Variants in DLG2 observed in about 807,000 individuals in gnomAD.
DLG2 encodes the protein disks large homolog 2.
In DLG2, 45 loss-of-function variants were observed where a neutral mutation model predicts 132.5. The observed-to-expected ratio is 0.34, with a 90% confidence interval of 0.27 to 0.44. The LOEUF is 0.44. Ranked by LOEUF, DLG2 falls within the 20% of genes least tolerant of loss-of-function variation. The pLI is 1.00. For missense variants in DLG2, 1,045 were observed against 1,196.9 expected, an observed-to-expected ratio of 0.87 and a Z score of 1.87; for synonymous variants, 424 against 419.6, an observed-to-expected ratio of 1.01 and a Z score of -0.13.
At chr11:83,558,470 A>G (rs1053286127) in intron 19 of DLG2, among the ~76,000 whole-genome samples, 1 of 152,146 alleles carries the variant, frequency 6.6e-6, no homozygotes, top group African/African-American at 2.4e-5. Flanking sequence ...GAAAGTGAGG[A>G]AGGAAACTAA....
At chr11:85,444,878 T>TGC (rs1345730776) in intron 3 of DLG2, among the ~76,000 whole-genome samples, 1 of 152,240 alleles carries the variant, frequency 6.6e-6, no homozygotes, top group African/African-American at 2.4e-5. Context: ...TAGTGTATAT[T>TGC]GCCTTTCTTA....
chr11:85,545,723 G>T (rs1327094985), intron 3 of DLG2, among the ~76,000 whole-genome samples: 1 of 152,118 alleles, frequency 6.6e-6, no homozygotes, highest in Non-Finnish European at 1.5e-5. Flanking sequence ...TTGGGAGGGT[G>T]TATGTGTCCA....
At chr11:83,651,827 T>C (rs2070570322) in intron 18 of DLG2, 1 of 470,948 alleles carries the variant, frequency 2.1e-6, no homozygotes, top group African/African-American at 2.0e-5. Context: ...ATGTGAAAGA[T>C]TTGCTCCCTA....
At chr11:85,054,683 C>A (rs2063269542) in intron 6 of DLG2, among the ~76,000 whole-genome samples, 1 of 152,152 alleles carries the variant, frequency 6.6e-6, no homozygotes, top group African/African-American at 2.4e-5. Context: ...TACACATCCA[C>A]AGAAAAAAAC....
At chr11:84,518,711 C>T (rs2154516050) in intron 7 of DLG2, among the ~76,000 whole-genome samples, 1 of 152,174 alleles carries the variant, frequency 6.6e-6, no homozygotes, top group East Asian at 1.9e-4. Flanking sequence ...AATTAAATCA[C>T]CCAGTGACAG....
intron 6 of DLG2, among the ~76,000 whole-genome samples, chr11:84,673,242 C>T (rs1028595057): frequency 1.3e-5 from 2 of 152,076 alleles, no homozygotes; most frequent in Non-Finnish European, 2.9e-5. Context: ...AGCTGCCTTC[C>T]TCTAAATGTA....
At chr11:84,068,994 G>T (rs1391258297) in intron 10 of DLG2, among the ~76,000 whole-genome samples, 1 of 152,100 alleles carries the variant, frequency 6.6e-6, no homozygotes, top group Non-Finnish European at 1.5e-5. Flanking sequence ...TGTCAGTCGG[G>T]TCCAGGACCA....
chr11:84,387,191 T>A (rs1344263693), intron 7 of DLG2, among the ~76,000 whole-genome samples: 2 of 152,084 alleles, frequency 1.3e-5, no homozygotes, highest in East Asian at 3.9e-4. Context: ...AGGTGGGCGC[T>A]AGAGTCCATG....
chr11:85,172,802 C>CAACACAAGAATGTTACAATGCG (rs2078967541), intron 4 of DLG2, among the ~76,000 whole-genome samples: 1 of 152,022 alleles, frequency 6.6e-6, no homozygotes, highest in African/African-American at 2.4e-5. Flanking sequence ...AGCTGAAAAA[C>CAACACAAGAATGTTACAATGCG]AACACAAGAA....
chr11:85,042,678 A>T (rs1412069762), intron 6 of DLG2, among the ~76,000 whole-genome samples: 1 of 151,930 alleles, frequency 6.6e-6, no homozygotes, highest in Non-Finnish European at 1.5e-5. Flanking sequence ...GTTGGGGAGT[A>T]AATAAAGTTA....
chr11:83,750,149 G>A (rs562135813), intron 18 of DLG2, among the ~76,000 whole-genome samples: 1 of 152,164 alleles, frequency 6.6e-6, no homozygotes, highest in Non-Finnish European at 1.5e-5. Context: ...AGCATCAAGA[G>A]GAACCCCCAA....
At chr11:84,614,275 A>G (rs1373494595) in intron 6 of DLG2, among the ~76,000 whole-genome samples, 1 of 152,126 alleles carries the variant, frequency 6.6e-6, no homozygotes, top group Non-Finnish European at 1.5e-5. Flanking sequence ...GAGTATCTTT[A>G]GGGAGAGGTG....
chr11:84,975,025 T>C (rs1289514191), intron 6 of DLG2, among the ~76,000 whole-genome samples: 1 of 152,204 alleles, frequency 6.6e-6, no homozygotes, highest in Non-Finnish European at 1.5e-5. Context: ...TCAGTGATTT[T>C]TGCAGGTGTC....
intron 4 of DLG2, among the ~76,000 whole-genome samples, chr11:85,175,718 C>T (rs866948402): frequency 2.0e-5 from 3 of 152,108 alleles, no homozygotes; most frequent in Non-Finnish European, 4.4e-5. Context: ...AAAACTCTGC[C>T]GTCACCACCC....
chr11:84,673,736 G>A (rs1040427582), intron 6 of DLG2, among the ~76,000 whole-genome samples: 1 of 151,902 alleles, frequency 6.6e-6, no homozygotes, highest in African/African-American at 2.4e-5. Context: ...AATGAATTAG[G>A]TACATTTCAA....
chr11:85,225,133 A>T (rs1188776282), intron 4 of DLG2, among the ~76,000 whole-genome samples: 1 of 152,168 alleles, frequency 6.6e-6, no homozygotes, highest in Non-Finnish European at 1.5e-5. Context: ...AATGAAAATA[A>T]ATCGAGCGGG....
chr11:85,166,353 AT>A (rs1235350774), intron 4 of DLG2, among the ~76,000 whole-genome samples: 1 of 152,088 alleles, frequency 6.6e-6, no homozygotes, highest in East Asian at 1.9e-4. Context: ...TTTCAATTGC[AT>A]GCTTGTATTT....
At chr11:84,608,038 A>C (rs1025779953) in intron 6 of DLG2, among the ~76,000 whole-genome samples, 32 of 152,170 alleles carry the variant, frequency 2.1e-4, no homozygotes, top group Non-Finnish European at 4.3e-4. Context: ...AGGCTTGAGA[A>C]AAGCAACCTC....
chr11:84,953,335 G>A (rs767632265), intron 6 of DLG2, among the ~76,000 whole-genome samples: 4 of 152,080 alleles, frequency 2.6e-5, no homozygotes, highest in African/African-American at 9.7e-5. Context: ...GAAGTTCCCC[G>A]GATGTGCAAT....
Sources: allele counts gnomAD v4.1 joint callset (sites outside exome capture counted in the v4.1 genomes callset), GRCh38; gene constraint gnomAD v4.1.1; transcripts MANE v1.5; gene names NCBI Gene and HGNC (gene_info 2026-07-23, HGNC 2026-07-21).